The following STARD13 variants were observed in gnomAD, a reference collection of about 807,000 sequenced individuals.
STARD13 encodes the protein stAR-related lipid transfer protein 13.
A neutral mutation model predicts 106.4 loss-of-function variants in STARD13; 62 were observed. That is an observed-to-expected ratio of 0.58 (90% CI 0.48 to 0.72). The LOEUF (loss-of-function observed/expected upper bound fraction) is 0.72, where lower values mean the gene tolerates loss of function less well. Ranked by LOEUF, STARD13 falls within the 30% of genes least tolerant of loss-of-function variation. The pLI, the probability that STARD13 is intolerant of heterozygous loss-of-function variation, is 0.00. For missense variants in STARD13, 1,387 were observed against 1,424.0 expected (o/e 0.97, Z 0.42); for synonymous variants, 565 against 553.0 (o/e 1.02, Z -0.31).
intron 5 of STARD13, 91 bp downstream of exon 5, chr13:33,128,838 A>G: frequency 7.6e-7 from 1 of 1,316,894 alleles, no homozygotes; most frequent in Non-Finnish European, 1.0e-6. Context: ...GGCATTTAGT[A>G]AGTACTCTGT....
At chr13:33,339,809 G>A (rs578156985) in intron 1 of STARD13, among the ~76,000 whole-genome samples, 2 of 152,262 alleles carry the variant, frequency 1.3e-5, no homozygotes, top group South Asian at 4.1e-4. Flanking sequence ...CACAATGGCT[G>A]GGCACGGTGG....
At chr13:33,522,999 C>T in the STARD13 span, among the ~76,000 whole-genome samples, 1 of 152,128 alleles carries the variant, frequency 6.6e-6, no homozygotes, top group African/African-American at 2.4e-5. Flanking sequence ...TGGCAGTTAA[C>T]AATGTTATTT....
At chr13:33,415,196 G>C in the STARD13 span, among the ~76,000 whole-genome samples, 15 of 152,172 alleles carry the variant, frequency 9.9e-5, no homozygotes, top group South Asian at 2.9e-3. Context: ...GTGAAACCCC[G>C]TCTGTACTAA....
Position 33,126,018 on chromosome 13 carries a change from T to TC in STARD13, c.2082+62dup. 3 of 1,571,830 alleles carry TC rather than the reference T, an allele frequency of 1.9e-6. No homozygotes were observed. In the South Asian group the frequency reaches 3.4e-5, roughly 18 times the overall value. On this transcript the variant is annotated intron_variant, in intron 7 of 13. Coordinates refer to ENST00000336934, the MANE Select transcript of STARD13 (RefSeq NM_178006.4). ...TGGGCAGATCTGACTCAGTCTGACA[T>TC]CCCCTCAATCCAATCCCATGGTTGG...
chr13:33,429,275 A>G, the STARD13 span, among the ~76,000 whole-genome samples: 1 of 151,624 alleles, frequency 6.6e-6, no homozygotes, highest in African/African-American at 2.4e-5. Context: ...AAGCAACCTA[A>G]GTGTCCATCA....
chr13:33,594,052 G>T, the STARD13 span, among the ~76,000 whole-genome samples: 1 of 152,128 alleles, frequency 6.6e-6, no homozygotes, highest in Admixed American at 6.5e-5. Flanking sequence ...GACTACAGGT[G>T]CCCGCCACCA....
At chr13:33,340,850 T>C (rs1161822341) in intron 1 of STARD13, among the ~76,000 whole-genome samples, 4 of 152,246 alleles carry the variant, frequency 2.6e-5, no homozygotes, top group Non-Finnish European at 5.9e-5. Context: ...GTCAGATAGA[T>C]GAGTTAAGTG....
intron 1 of STARD13, among the ~76,000 whole-genome samples, chr13:33,308,314 A>G (rs983252807): frequency 6.6e-6 from 1 of 152,186 alleles, no homozygotes; most frequent in Non-Finnish European, 1.5e-5. Context: ...ATAGAGCTGA[A>G]GACTGTTTTG....
At chr13:33,108,155 A>G (rs1326121944) in intron 12 of STARD13, among the ~76,000 whole-genome samples, 5 of 152,232 alleles carry the variant, frequency 3.3e-5, no homozygotes, top group African/African-American at 1.2e-4. Context: ...AGGAGCTAGC[A>G]ATGGGTGTGA....
the STARD13 span, among the ~76,000 whole-genome samples, chr13:33,419,052 T>A: frequency 6.6e-6 from 1 of 152,176 alleles, no homozygotes; most frequent in Non-Finnish European, 1.5e-5. Flanking sequence ...CCAGAGTGCA[T>A]CTTCTCCTCC....
chr13:33,514,075 G>A, the STARD13 span, among the ~76,000 whole-genome samples: 1 of 152,110 alleles, frequency 6.6e-6, no homozygotes, highest in South Asian at 2.1e-4. Context: ...TGATATTTAT[G>A]GAAAATACCC....
rs148363960 is a variant in STARD13, at chr13:33,255,434, T to C, written c.169+30036A>G. 6.7e-3 allele frequency among the ~76,000 whole-genome samples: 1,020 copies of C among 151,868 alleles called. 3 individuals carry two copies. Among genetic ancestry groups the C allele is most frequent in the Non-Finnish European group, 0.01 (694 of 67,960 alleles). The stretch of plus-strand genomic sequence containing the variant: ...AGAACCGCTCACAACTGGGCCAAAC[T>C]CCATCCTCCAGGGCCCGCACACCCT... On this transcript the variant is annotated intron_variant, in intron 1 of 13. Coordinates refer to ENST00000336934, the MANE Select transcript of STARD13 (RefSeq NM_178006.4).
the STARD13 span, among the ~76,000 whole-genome samples, chr13:33,494,565 C>T: frequency 3.3e-5 from 5 of 152,058 alleles, no homozygotes; most frequent in East Asian, 1.9e-4. Flanking sequence ...TGGGCTTTCC[C>T]GGCTTATTTT....
upstream of STARD13, among the ~76,000 whole-genome samples, chr13:33,286,132 G>A (rs1046278527): frequency 1.3e-5 from 2 of 151,968 alleles, no homozygotes; most frequent in Non-Finnish European, 2.9e-5. Context: ...GTAAAAGATG[G>A]ACCTGATAAA....
At chr13:33,462,384 C>T in the STARD13 span, among the ~76,000 whole-genome samples, 1 of 152,182 alleles carries the variant, frequency 6.6e-6, no homozygotes, top group East Asian at 1.9e-4. Context: ...TGCTTTTACT[C>T]TTTAATATTT....
chr13:33,555,770 A>G, the STARD13 span, among the ~76,000 whole-genome samples: 1 of 152,220 alleles, frequency 6.6e-6, no homozygotes, highest in Non-Finnish European at 1.5e-5. Context: ...AATTGAGATA[A>G]TAAGGTCTTA....
the STARD13 span, among the ~76,000 whole-genome samples, chr13:33,612,011 T>C: frequency 2.0e-5 from 3 of 152,166 alleles, no homozygotes; most frequent in African/African-American, 7.2e-5. Flanking sequence ...AAAGAACAAA[T>C]GAGATCTGTG....
intron 8 of STARD13, among the ~76,000 whole-genome samples, chr13:33,114,510 G>A (rs74633106): frequency 0.012 from 1,851 of 152,276 alleles, 40 homozygotes; most frequent in African/African-American, 0.042. Flanking sequence ...GAGAAGAGCC[G>A]TTTTGTTAAA....
chr13:33,642,251 G>T, the STARD13 span, among the ~76,000 whole-genome samples: 2 of 152,200 alleles, frequency 1.3e-5, no homozygotes, highest in African/African-American at 4.8e-5. Context: ...ATAAATTAGA[G>T]CTCAAAAAAT....
Sources: allele counts gnomAD v4.1 joint callset (sites outside exome capture counted in the v4.1 genomes callset), GRCh38; gene constraint gnomAD v4.1.1; transcripts MANE v1.5; gene names NCBI Gene and HGNC (gene_info 2026-07-23, HGNC 2026-07-21).